FAM193A: variants seen among roughly 807,000 people sequenced by gnomAD.
FAM193A encodes protein FAM193A.
FAM193A carries 22 observed loss-of-function variants against 126.5 expected under a neutral mutation model. The observed-to-expected ratio is 0.17, with a 90% CI of 0.12 to 0.25. FAM193A has a LOEUF of 0.25. FAM193A is among the 10% of genes least tolerant of loss of function. The pLI is 1.00. For missense variants in FAM193A, 1,675 were observed against 1,672.8 expected (o/e 1.00, Z -0.02); for synonymous variants, 761 against 646.8 (o/e 1.18, Z -2.68).
At position 2,708,916 on chromosome 4, in the gene FAM193A, G is replaced by A. The variant is rs189859450; in HGVS notation, c.4373-7107G>A. 2.6e-5 allele frequency among the ~76,000 whole-genome samples: 4 copies of A among 152,074 alleles called. No individual in the cohort carries two copies. The East Asian group carries it at 7.7e-4, about 29-fold the overall frequency. On this transcript the variant is annotated intron_variant, in intron 19 of 20. Transcript: ENST00000637812. ...TTCAATTCTTACGCCTCTAATTGTT[G>A]TCTTTTACTTAACTGCATCTTTTCT...
chr4:2,678,560 A>G (rs1714715307), intron 13 of FAM193A, among the ~76,000 whole-genome samples: 1 of 150,364 alleles, frequency 6.7e-6, no homozygotes, highest in Non-Finnish European at 1.5e-5. Context: ...ACGGGGTTTC[A>G]CCATGTTGGC....
chr4:2,672,269 A>G lies in FAM193A; in HGVS notation c.2228A>G (p.Tyr743Cys). The change falls in exon 13 of 21, where the codon TAC (tyrosine) becomes TGC (cysteine). Residue 743 changes from tyrosine (Y) to cysteine (C), a missense_variant. Around this residue, in one of 4 missense-constraint regions of FAM193A, gnomAD observed 1,186 missense variants for 1,109.2 expected, o/e 1.07. Transcript: ENST00000637812. ...EKPTHPALHL[Y>C]PHIHGHVPLH... is the part of the protein sequence containing the mutation. Reference sequence around the variant, plus strand: ...CCCACACACCCTGCACTGCACCTTTACCCTCACATCCATGGACATGTGCCT... The same window carrying G: ...CCCACACACCCTGCACTGCACCTTTGCCCTCACATCCATGGACATGTGCCT... The G allele has an allele frequency of 1.2e-5, 19 of 1,613,774 alleles. No homozygotes were observed. Among genetic ancestry groups the G allele is most frequent in the Non-Finnish European group, 1.4e-5 (17 of 1,179,972 alleles).
At chr4:2,658,087 C>T (rs1392742624) in intron 8 of FAM193A, among the ~76,000 whole-genome samples, 1 of 152,158 alleles carries the variant, frequency 6.6e-6, no homozygotes, top group African/African-American at 2.4e-5. Context: ...CCATATACGC[C>T]TCAAGAAAAA....
At chr4:2,668,559 T>C (rs1713408137) in intron 12 of FAM193A, among the ~76,000 whole-genome samples, 1 of 152,186 alleles carries the variant, frequency 6.6e-6, no homozygotes, top group Admixed American at 6.5e-5. Context: ...TACTACTGAC[T>C]TAATTCCAGT....
Position 2,690,634 on chromosome 4 carries a change from C to G in FAM193A, c.2531-64C>G. The G allele has an allele frequency of 4.8e-6, 7 of 1,473,682 alleles. No homozygotes were observed. In the South Asian group the frequency reaches 9.2e-5, roughly 19 times the overall value. The allele number at this position is 1,473,682 out of a possible 1,614,324, so 91.3% of individuals were successfully genotyped here. On this transcript the variant is annotated intron_variant, in intron 14 of 20. Transcript: ENST00000637812. ...ATCAAGTGTTCAGTCATCAGCATGT[C>G]TTTTAGGGTTTAGCTAAGTATGATT...
intron 19 of FAM193A, among the ~76,000 whole-genome samples, chr4:2,705,199 C>T (rs149270663): frequency 2.2e-3 from 334 of 152,290 alleles, no homozygotes; most frequent in African/African-American, 6.8e-3. Context: ...CATGAGCCAC[C>T]GCACCCAGCC....
intron 10 of FAM193A, 40 bp from the exon 11 acceptor site, chr4:2,662,798 A>G (rs1228921752): frequency 6.4e-7 from 1 of 1,553,988 alleles, no homozygotes; most frequent in Admixed American, 1.7e-5. Context: ...TGTCTTTCAC[A>G]ATTGAATGAC....
At chr4:2,571,271 G>T (rs569389826) in intron 1 of FAM193A, among the ~76,000 whole-genome samples, 1 of 152,292 alleles carries the variant, frequency 6.6e-6, no homozygotes, top group African/African-American at 2.4e-5. Context: ...TGTACAGGCT[G>T]CCCTGTACCC....
At chr4:2,570,142 G>A (rs1471733564) in intron 1 of FAM193A, among the ~76,000 whole-genome samples, 2 of 149,698 alleles carry the variant, frequency 1.3e-5, no homozygotes, top group African/African-American at 5.0e-5. Flanking sequence ...TAGCCCAAAA[G>A]TACTTCAGAA....
At chr4:2,582,144 C>G (rs1239615259) in intron 1 of FAM193A, among the ~76,000 whole-genome samples, 1 of 151,980 alleles carries the variant, frequency 6.6e-6, no homozygotes, top group Non-Finnish European at 1.5e-5. Context: ...TCAGTCTCTC[C>G]TCTCCTCCTC....
chr4:2,573,526 A>AC (rs1295376201), intron 1 of FAM193A, among the ~76,000 whole-genome samples: 2 of 151,962 alleles, frequency 1.3e-5, no homozygotes, highest in African/African-American at 4.8e-5. Context: ...AAAAAAAAAA[A>AC]AAAGGTCCGT....
chr4:2,700,624 G>A, intron 19 of FAM193A, 80 bp downstream of exon 19: 1 of 1,520,108 alleles, frequency 6.6e-7, no homozygotes. Flanking sequence ...GGAAAACACT[G>A]GGTTTGGCAT....
intron 1 of FAM193A, among the ~76,000 whole-genome samples, chr4:2,590,476 C>CAAAAAAAAAAAAAA (rs754091956): frequency 2.5e-5 from 1 of 40,492 alleles, no homozygotes; most frequent in African/African-American, 1.7e-4. Context: ...AAAAAAAAAA[C>CAAAAAAAAAAAAAA]AAAAAAAAAC....
intron 13 of FAM193A, among the ~76,000 whole-genome samples, chr4:2,676,852 A>G (rs1250330375): frequency 6.6e-6 from 1 of 152,090 alleles, no homozygotes; most frequent in African/African-American, 2.4e-5. Flanking sequence ...GAGGCAGGAA[A>G]ATGGCGTGAA....
At chr4:2,727,090 T>G (rs1189233753) in intron 20 of FAM193A, among the ~76,000 whole-genome samples, 1 of 151,828 alleles carries the variant, frequency 6.6e-6, no homozygotes, top group African/African-American at 2.4e-5. Context: ...GAAACCCCGT[T>G]TCTACTAAAA....
chr4:2,708,878 T>G (rs995484013), intron 19 of FAM193A, among the ~76,000 whole-genome samples: 2 of 152,202 alleles, frequency 1.3e-5, no homozygotes, highest in Admixed American at 1.3e-4. Context: ...AGAGAAAGTT[T>G]TACTTCTACT....
intron 2 of FAM193A, chr4:2,615,201 A>G (rs563431642): frequency 1.3e-5 from 2 of 152,582 alleles, no homozygotes; most frequent in Non-Finnish European, 2.9e-5. Flanking sequence ...GTTAGTTATC[A>G]ACAGCACTGC....
chr4:2,660,920 T>C (rs1712360426), intron 10 of FAM193A, among the ~76,000 whole-genome samples: 1 of 152,256 alleles, frequency 6.6e-6, no homozygotes, highest in Non-Finnish European at 1.5e-5. Flanking sequence ...AGGCTGCTGT[T>C]TATTGCCTTA....
At chr4:2,695,227 C>G in intron 17 of FAM193A, 98 bp downstream of exon 17, 1 of 980,266 alleles carries the variant, frequency 1.0e-6, no homozygotes. Context: ...GGGTATATTC[C>G]ACTTCTAGGG....
Sources: gnomAD v4.1 joint callset for allele counts (sites outside exome capture counted in the v4.1 genomes callset) on GRCh38, gnomAD v4.1.1 for gene constraint, gnomAD v4.1.1 regional missense constraint, MANE v1.5 for transcripts, NCBI Gene and HGNC (gene_info 2026-07-23, HGNC 2026-07-21) for gene names.